RAB38: variants seen among roughly 807,000 people sequenced by gnomAD.
The protein encoded by RAB38 is RAB38, member RAS oncogene family.
Under a neutral mutation model 18.4 loss-of-function variants are expected in RAB38, and 15 were observed. The ratio of observed to expected loss-of-function variants is 0.82; its 90% CI spans 0.55 to 1.26. RAB38 has a LOEUF of 1.26. Ranked by LOEUF, RAB38 falls within the 50% of genes most tolerant of loss-of-function variation. The pLI is 0.00. For synonymous variants in RAB38, 101 were observed against 104.4 expected, an observed-to-expected ratio of 0.97 and a Z score of 0.20; for missense variants, 294 against 267.4, an observed-to-expected ratio of 1.10 and a Z score of -0.69.
chr11:87,824,239 T>C, the RAB38 span, among the ~76,000 whole-genome samples: 1 of 152,110 alleles, frequency 6.6e-6, no homozygotes, highest in African/African-American at 2.4e-5. Flanking sequence ...CTGCCTTCCC[T>C]CTGAACAGTA....
At chr11:88,140,905 C>A (rs1037683616) in intron 2 of RAB38, among the ~76,000 whole-genome samples, 1 of 152,072 alleles carries the variant, frequency 6.6e-6, no homozygotes, top group Non-Finnish European at 1.5e-5. Context: ...TCCAGAAAAG[C>A]TGATGAATTC....
At chr11:88,082,435 T>C in the RAB38 span, among the ~76,000 whole-genome samples, 2 of 151,934 alleles carry the variant, frequency 1.3e-5, no homozygotes, top group Non-Finnish European at 2.9e-5. Context: ...GGCAGAGGCA[T>C]TGGGAAGTAA....
chr11:88,028,640 T>C, the RAB38 span, among the ~76,000 whole-genome samples: 2 of 151,870 alleles, frequency 1.3e-5, no homozygotes, highest in Non-Finnish European at 2.9e-5. Flanking sequence ...CGATGGAAGA[T>C]GAAATGAATG....
chr11:87,896,126 A>C, the RAB38 span, among the ~76,000 whole-genome samples: 1 of 151,750 alleles, frequency 6.6e-6, no homozygotes, highest in African/African-American at 2.4e-5. Flanking sequence ...ACTCATTAGT[A>C]ACGTAAAAGG....
chr11:88,128,716 A>G (rs1942734108), intron 2 of RAB38, among the ~76,000 whole-genome samples: 1 of 152,236 alleles, frequency 6.6e-6, no homozygotes, highest in Admixed American at 6.5e-5. Context: ...AACCTCAGTT[A>G]GAGAAATCTT....
the RAB38 span, among the ~76,000 whole-genome samples, chr11:87,881,192 A>C: frequency 6.6e-6 from 1 of 151,858 alleles, no homozygotes; most frequent in South Asian, 2.1e-4. Flanking sequence ...AGCACCTGGC[A>C]CATAGAAGAT....
chr11:87,954,736 G>T, the RAB38 span, among the ~76,000 whole-genome samples: 1 of 152,110 alleles, frequency 6.6e-6, no homozygotes, highest in East Asian at 1.9e-4. Context: ...GTGGCAGGAG[G>T]AAGTGGATTT....
chr11:87,976,716 T>C, the RAB38 span, among the ~76,000 whole-genome samples: 9 of 109,754 alleles, frequency 8.2e-5, no homozygotes, highest in African/African-American at 3.2e-4. Flanking sequence ...ATATTTATAT[T>C]TCTATATATT....
chr11:87,829,213 A>G, the RAB38 span, among the ~76,000 whole-genome samples: 1 of 152,226 alleles, frequency 6.6e-6, no homozygotes, highest in African/African-American at 2.4e-5. Flanking sequence ...TTTAGGGAAG[A>G]TCATTAACTA....
intron 2 of RAB38, chr11:88,115,473 C>A (rs1207926520): frequency 6.6e-6 from 1 of 152,166 alleles, no homozygotes; most frequent in Admixed American, 6.5e-5. Flanking sequence ...TGTTTATTAG[C>A]AGGTTCTCCA....
At chr11:88,036,655 A>T in the RAB38 span, among the ~76,000 whole-genome samples, 1 of 152,012 alleles carries the variant, frequency 6.6e-6, no homozygotes, top group African/African-American at 2.4e-5. Context: ...ATATGTTATC[A>T]ATCAACATAG....
At chr11:87,843,711 G>A in the RAB38 span, among the ~76,000 whole-genome samples, 2 of 152,164 alleles carry the variant, frequency 1.3e-5, no homozygotes, top group African/African-American at 4.8e-5. Flanking sequence ...TACTTTGCAA[G>A]GCTGTTGTGA....
At chr11:87,840,044 C>T in the RAB38 span, among the ~76,000 whole-genome samples, 1 of 152,014 alleles carries the variant, frequency 6.6e-6, no homozygotes, top group Non-Finnish European at 1.5e-5. Flanking sequence ...TGAAACTGGG[C>T]CTTAGGCAAC....
intron 1 of RAB38, among the ~76,000 whole-genome samples, chr11:88,164,266 G>C (rs1041318396): frequency 7.7e-6 from 1 of 129,572 alleles, no homozygotes; most frequent in Non-Finnish European, 1.7e-5. Flanking sequence ...CGGTGGGGGG[G>C]GGTGCCATGG....
chr11:87,863,577 G>A, the RAB38 span, among the ~76,000 whole-genome samples: 1 of 150,156 alleles, frequency 6.7e-6, no homozygotes, highest in Admixed American at 6.7e-5. Context: ...ACTCTGTTTG[G>A]CGCATGATAG....
the RAB38 span, among the ~76,000 whole-genome samples, chr11:88,071,757 A>G: frequency 6.6e-6 from 1 of 152,196 alleles, no homozygotes; most frequent in East Asian, 1.9e-4. Flanking sequence ...TCCCTTTATG[A>G]TACACAAATG....
the RAB38 span, among the ~76,000 whole-genome samples, chr11:87,864,212 T>C: frequency 1.3e-5 from 2 of 151,662 alleles, no homozygotes; most frequent in Admixed American, 6.6e-5. Context: ...AAAACTTCTT[T>C]CTTAGTTGTG....
the RAB38 span, among the ~76,000 whole-genome samples, chr11:87,941,456 C>T: frequency 2.0e-5 from 3 of 151,510 alleles, no homozygotes; most frequent in Admixed American, 6.6e-5. Context: ...TCAAAAGGCA[C>T]ATCCCCTCCT....
At chr11:87,974,509 A>G in the RAB38 span, among the ~76,000 whole-genome samples, 1 of 152,048 alleles carries the variant, frequency 6.6e-6, no homozygotes, top group Non-Finnish European at 1.5e-5. Flanking sequence ...ATAGTGTAAT[A>G]TATTACAATA....
Sources: gnomAD v4.1 joint callset for allele counts (sites outside exome capture counted in the v4.1 genomes callset) on GRCh38, gnomAD v4.1.1 for gene constraint, MANE v1.5 for transcripts, NCBI Gene and HGNC (gene_info 2026-07-23, HGNC 2026-07-21) for gene names.